SDK1: variants seen among roughly 807,000 people sequenced by gnomAD.
SDK1 encodes protein sidekick-1.
In SDK1, 157 loss-of-function variants were observed where a neutral mutation model predicts 245.5. The observed-to-expected ratio is 0.64, with a 90% CI of 0.56 to 0.73. The LOEUF is 0.73. Among genes scored for constraint, SDK1 ranks in the 30% least tolerant of loss-of-function variants. The pLI, the probability that SDK1 is intolerant of heterozygous loss-of-function variation, is 0.00. For missense variants in SDK1, 3,583 were observed against 3,002.3 expected (o/e 1.19, Z -4.52); for synonymous variants, 1,647 against 1,278.5 (o/e 1.29, Z -6.15).
chr7:4,138,147 A>C (rs540318394), intron 28 of SDK1, among the ~76,000 whole-genome samples: 154 of 152,330 alleles, frequency 1.0e-3, no homozygotes, highest in Non-Finnish European at 1.9e-3. Flanking sequence ...AGAGAAGAAG[A>C]ACCCAGATTT....
chr7:3,303,766 T>C (rs1779343397), intron 1 of SDK1, among the ~76,000 whole-genome samples: 1 of 152,204 alleles, frequency 6.6e-6, no homozygotes, highest in Non-Finnish European at 1.5e-5. Context: ...TTTTATATCG[T>C]ATTGAAAATT....
At chr7:3,662,304 C>G (rs1328511807) in intron 4 of SDK1, among the ~76,000 whole-genome samples, 2 of 152,098 alleles carry the variant, frequency 1.3e-5, no homozygotes, top group African/African-American at 4.8e-5. Context: ...TCTCACAATA[C>G]TCTTCAAAAA....
chr7:4,236,131 T>C (rs1421916347), intron 41 of SDK1, among the ~76,000 whole-genome samples: 2 of 152,082 alleles, frequency 1.3e-5, no homozygotes, highest in Non-Finnish European at 2.9e-5. Flanking sequence ...CCCCTATTCG[T>C]GAGATATAGG....
At chr7:3,579,717 G>T (rs541344209) in intron 1 of SDK1, among the ~76,000 whole-genome samples, 1 of 152,298 alleles carries the variant, frequency 6.6e-6, no homozygotes, top group South Asian at 2.1e-4. Flanking sequence ...CTGTCAGTTG[G>T]AATGTAAATT....
intron 1 of SDK1, among the ~76,000 whole-genome samples, chr7:3,610,819 C>G (rs559589932): frequency 6.6e-6 from 1 of 152,348 alleles, no homozygotes; most frequent in East Asian, 1.9e-4. Context: ...ATTCACAGTG[C>G]TGTTTAATGG....
At chr7:3,385,444 T>C (rs1781587572) in intron 1 of SDK1, among the ~76,000 whole-genome samples, 1 of 152,168 alleles carries the variant, frequency 6.6e-6, no homozygotes, top group Admixed American at 6.5e-5. Context: ...AATATATTTT[T>C]TTACTGTTAG....
intron 32 of SDK1, among the ~76,000 whole-genome samples, chr7:4,171,649 A>T (rs623667): frequency 6.6e-6 from 1 of 152,014 alleles, no homozygotes; most frequent in Non-Finnish European, 1.5e-5. Flanking sequence ...CCCCTCATCC[A>T]CTGGTGGTGG....
intron 38 of SDK1, among the ~76,000 whole-genome samples, chr7:4,210,733 G>A (rs1784469321): frequency 6.6e-6 from 1 of 152,250 alleles, no homozygotes; most frequent in African/African-American, 2.4e-5. Flanking sequence ...ACCTGGGAAA[G>A]CCAGGATTTT....
At chr7:3,393,998 G>C (rs886270847) in intron 1 of SDK1, among the ~76,000 whole-genome samples, 2 of 152,106 alleles carry the variant, frequency 1.3e-5, no homozygotes, top group Non-Finnish European at 1.5e-5. Context: ...AGGCTTTCCA[G>C]ATATTCAAAA....
At chr7:3,979,348 C>T (rs1783216307) in intron 13 of SDK1, among the ~76,000 whole-genome samples, 1 of 152,206 alleles carries the variant, frequency 6.6e-6, no homozygotes, top group Non-Finnish European at 1.5e-5. Context: ...CCTTTCCTAA[C>T]AGCACCCTGC....
intron 1 of SDK1, among the ~76,000 whole-genome samples, chr7:3,424,934 C>T (rs1033304813): frequency 2.0e-5 from 3 of 152,092 alleles, no homozygotes; most frequent in Admixed American, 1.3e-4. Flanking sequence ...AAAATAAAAC[C>T]TAAAATAAGA....
chr7:4,263,571 T>C (rs1424280561), intron 44 of SDK1, among the ~76,000 whole-genome samples: 1 of 59,424 alleles, frequency 1.7e-5, no homozygotes, highest in Non-Finnish European at 3.3e-5. Flanking sequence ...CGCGTAGACC[T>C]CTCCTGAGTG....
chr7:4,223,141 GT>G (rs1785237176), intron 40 of SDK1, among the ~76,000 whole-genome samples: 1 of 152,056 alleles, frequency 6.6e-6, no homozygotes, highest in Admixed American at 6.6e-5. Context: ...TCAAAAGCAG[GT>G]TGGTGGGGGA....
chr7:3,495,252 CTTTTTTTTTT>C (rs71029675), intron 1 of SDK1, among the ~76,000 whole-genome samples: 11 of 99,766 alleles, frequency 1.1e-4, no homozygotes, highest in East Asian at 5.7e-4. Flanking sequence ...CATAATGGTT[CTTTTTTTTTT>C]TTTTTTTTTT....
chr7:3,440,268 G>C (rs1471130860), intron 1 of SDK1, among the ~76,000 whole-genome samples: 1 of 152,116 alleles, frequency 6.6e-6, no homozygotes, highest in Non-Finnish European at 1.5e-5. Flanking sequence ...TTTGCATTCA[G>C]GTATATTTTT....
At chr7:4,051,042 T>G (rs1420129133) in intron 18 of SDK1, among the ~76,000 whole-genome samples, 2 of 141,680 alleles carry the variant, frequency 1.4e-5, no homozygotes, top group African/African-American at 5.2e-5. Context: ...GTATGTTATA[T>G]ATAGTATACT....
intron 20 of SDK1, among the ~76,000 whole-genome samples, chr7:4,068,671 G>T (rs1300690351): frequency 1.3e-5 from 2 of 151,942 alleles, no homozygotes; most frequent in Non-Finnish European, 2.9e-5. Context: ...GTTTGAGGGG[G>T]TCTCTGTGGG....
At position 4,205,943 on chromosome 7, in the gene SDK1, G is replaced by C. The variant is rs145639450; in HGVS notation, c.5163G>C (p.Thr1721=). The change falls in exon 36 of 45, where the codon ACG becomes ACC. Residue 1721 remains threonine, a synonymous_variant. Coordinates refer to ENST00000404826, the MANE Select transcript of SDK1 (RefSeq NM_152744.4). The part of the protein sequence containing the change: ...TPLTASQLEV[T]WDPPPPESQN... Reference sequence around the variant, plus strand: ...TCACGGCCAGCCAGCTGGAGGTCACGTGGGACCCACCACCCCCGGAGAGCC... The same window carrying C: ...TCACGGCCAGCCAGCTGGAGGTCACCTGGGACCCACCACCCCCGGAGAGCC... The C allele has an allele frequency of 6.4e-7, 1 of 1,564,768 alleles. No individual in the cohort carries two copies. Among genetic ancestry groups the C allele is most frequent in the Non-Finnish European group, 8.7e-7 (1 of 1,154,056 alleles).
At chr7:3,969,647 G>T (rs1782332016) in intron 11 of SDK1, among the ~76,000 whole-genome samples, 1 of 152,156 alleles carries the variant, frequency 6.6e-6, no homozygotes, top group Non-Finnish European at 1.5e-5. Flanking sequence ...GGGCATTGCA[G>T]GAGAGACGAA....
Sources: allele counts gnomAD v4.1 joint callset (sites outside exome capture counted in the v4.1 genomes callset), GRCh38; gene constraint gnomAD v4.1.1; transcripts MANE v1.5; gene names NCBI Gene and HGNC (gene_info 2026-07-23, HGNC 2026-07-21).